Variants in ITGB1 observed in about 807,000 individuals in gnomAD.
The protein encoded by ITGB1 is integrin subunit beta 1, also known as integrin beta-1.
ITGB1 carries 24 observed loss-of-function variants against 86.5 expected under a neutral mutation model. The observed-to-expected ratio is 0.28, with a 90% CI of 0.20 to 0.39. The LOEUF (loss-of-function observed/expected upper bound fraction) is 0.39, where lower values mean the gene tolerates loss of function less well. Among genes scored for constraint, ITGB1 ranks in the 10% least tolerant of loss-of-function variants. ITGB1 has a pLI of 1.00. For synonymous variants in ITGB1, 323 were observed against 316.8 expected (o/e 1.02, Z -0.21); for missense variants, 556 against 946.9 (o/e 0.59, Z 5.42).
At chr10:32,916,411 C>A (rs879744027) in intron 11 of ITGB1, among the ~76,000 whole-genome samples, 103 of 152,312 alleles carry the variant, frequency 6.8e-4, no homozygotes, top group Non-Finnish European at 1.2e-3. Context: ...TCCCTGTTTG[C>A]AGATGACATG....
chr10:32,922,163 G>A (rs1050006213), intron 9 of ITGB1, 94 bp downstream of exon 9: 24 of 735,432 alleles, frequency 3.3e-5, no homozygotes, highest in African/African-American at 9.3e-5. Flanking sequence ...CTTTGGGCTC[G>A]CTAAAGTGTG....
intron 11 of ITGB1, among the ~76,000 whole-genome samples, chr10:32,914,578 A>G (rs963942160): frequency 1.3e-5 from 2 of 152,352 alleles, no homozygotes; most frequent in East Asian, 1.9e-4. Flanking sequence ...ACGCCATTAC[A>G]TAATGGTAAA....
chr10:32,926,061 G>A lies in ITGB1; in HGVS notation c.596C>T (p.Thr199Ile), dbSNP rs1407408487. Residue 199 changes from threonine (T) to isoleucine (I), a missense_variant, in exon 6 of 16, where the codon ACA (threonine) becomes ATA (isoleucine). Thr to Ile is a moderately conservative substitution (Grantham distance 89). Coordinates refer to ENST00000302278, the MANE Select transcript of ITGB1 (RefSeq NM_002211.4). Reference sequence around the variant, plus strand: ...GCAAGGGTTCCTGAGCTTAGCTGGTGTTGTGCTAATGTAAGGCATCACAGT... The same window carrying A: ...GCAAGGGTTCCTGAGCTTAGCTGGTATTGTGCTAATGTAAGGCATCACAGT... ...EKTVMPYIST[T>I]PAKLRNPCTS... is the part of the protein sequence containing the mutation. 7 of 1,614,118 alleles carry A rather than the reference G, an allele frequency of 4.3e-6. No homozygotes were observed. In the South Asian group the frequency reaches 5.5e-5, roughly 13 times the overall value.
chr10:32,926,103 C>A lies in ITGB1; in HGVS notation c.554G>T (p.Gly185Val). Residue 185 changes from glycine to valine, a missense_variant, in exon 6 of 16, where the codon GGC becomes GTC. This residue lies in a region of ITGB1 where 183 missense variants were observed against 263.9 expected (regional missense o/e 0.69). Transcript: ENST00000302278. ...CATCACAGTCTTTTCCACAAATGAG[C>A]CAAATCCTGCCAAGAAAAAAATGGT... ...RITSDFRIGF[G>V]SFVEKTVMPY... is the part of the protein sequence containing the mutation. The A allele has an allele frequency of 6.2e-7, 1 of 1,608,176 alleles. No homozygotes were observed. Among genetic ancestry groups the A allele is most frequent in the Non-Finnish European group, 8.5e-7 (1 of 1,174,986 alleles).
intron 11 of ITGB1, among the ~76,000 whole-genome samples, chr10:32,914,025 G>T (rs1158174804): frequency 6.6e-6 from 1 of 152,200 alleles, no homozygotes; most frequent in Non-Finnish European, 1.5e-5. Context: ...CATTCTTAAA[G>T]AAAAGAATTT....
intron 11 of ITGB1, among the ~76,000 whole-genome samples, chr10:32,916,492 T>A (rs1231733954): frequency 6.6e-6 from 1 of 152,162 alleles, no homozygotes; most frequent in Non-Finnish European, 1.5e-5. Flanking sequence ...TTCAGCAAAG[T>A]CTCAGGATAC....
rs2094987607 is a variant in ITGB1 at position 32,932,682 on chromosome 10, T to C, written c.68-82A>G. On this transcript the variant is annotated intron_variant, in intron 2 of 15. Coordinates refer to ENST00000302278, the MANE Select transcript of ITGB1 (RefSeq NM_002211.4). ...TGAAAAATCAGAATCACAATGACAA[T>C]GCAATACATATGTTAAATATTAATA... 23 of 797,800 alleles carry C rather than the reference T, an allele frequency of 2.9e-5. No homozygotes were observed. The South Asian group carries it at 3.2e-4, about 11-fold the overall frequency. 49.4% of individuals were successfully genotyped at this position (797,800 alleles called of 1,614,324 possible). A position where few individuals can be genotyped will look rare whatever the true frequency, so the allele number is the denominator to read the frequency against.
Position 32,926,459 on chromosome 10 carries a change from A to G in ITGB1, c.548-350T>C, listed in dbSNP as rs75833984. Among the ~76,000 whole-genome samples the G allele has an allele frequency of 3.2e-4, 49 of 152,294 alleles. No homozygotes were observed. In the East Asian group the frequency reaches 8.9e-3, roughly 28 times the overall value. ...GTATTTCGATCATGGGGGCAGATCA[A>G]TCCCTCATGGCTTGGTGCTATTCTG... On this transcript the variant is annotated intron_variant, in intron 5 of 15. Coordinates refer to ENST00000302278, the MANE Select transcript of ITGB1 (RefSeq NM_002211.4).
intron 9 of ITGB1, 78 bp from the exon 10 acceptor site, chr10:32,920,463 C>T (rs920671568): frequency 7.8e-7 from 1 of 1,287,190 alleles, no homozygotes; most frequent in African/African-American, 1.5e-5. Flanking sequence ...GGATAAACTG[C>T]TCAGAAAAAA....
At chr10:32,946,749 T>TGGGTG (rs1555222114) in intron 1 of ITGB1, among the ~76,000 whole-genome samples, 3 of 25,112 alleles carry the variant, frequency 1.2e-4, no homozygotes, top group South Asian at 2.6e-3. Flanking sequence ...TATGTATTTC[T>TGGGTG]GGGGGGGGGG....
chr10:32,910,414 T>G lies in ITGB1; in HGVS notation c.1973A>C (p.Lys658Thr). The stretch of plus-strand genomic sequence containing the variant: ...GGAACATTCCTGTGTGCATGTGTCT[T>G]TCTTTTCTCCTTTATTGAAGGCTCT... Reference protein sequence around the residue: ...QCRAFNKGEKKDTCTQECSYF... With the variant: ...QCRAFNKGEKTDTCTQECSYF... Residue 658 changes from lysine (K) to threonine (T), a missense_variant, in exon 14 of 16, where the codon AAA (lysine) becomes ACA (threonine). This residue lies in a region of ITGB1 where 330 missense variants were observed against 531.5 expected (regional missense o/e 0.62). Transcript: ENST00000302278. The G allele has an allele frequency of 6.2e-7, 1 of 1,601,036 alleles. No individual in the cohort carries two copies.
rs1273133185 is a variant in ITGB1, at chr10:32,919,431, TTA to T, written c.1469+452_1469+453del. Among the ~76,000 whole-genome samples the T allele has an allele frequency of 1.1e-4, 17 of 152,350 alleles. No individual in the cohort carries two copies. In the East Asian group the frequency reaches 2.9e-3, roughly 26 times the overall value. ...ACAACACATATTTATTTTTTAAAAA[TTA>T]TTCCAACAATGCAGAAGTACATGTA... On this transcript the variant is annotated intron_variant, in intron 11 of 15. Transcript: ENST00000302278.
chr10:32,932,432 A>T, intron 3 of ITGB1, 83 bp downstream of exon 3: 2 of 784,172 alleles, frequency 2.6e-6, no homozygotes, highest in Non-Finnish European at 4.5e-6. Context: ...ATAAAAATTA[A>T]TATGTGCTTC....
chr10:32,927,982 C>T, intron 5 of ITGB1, 112 bp downstream of exon 5: 1 of 627,724 alleles, frequency 1.6e-6, no homozygotes, highest in East Asian at 2.8e-5. Flanking sequence ...AAAAAACTGG[C>T]TTGTTTATCT....
At chr10:32,920,140 A>G (rs2094944600) in intron 10 of ITGB1, 56 bp from the exon 11 acceptor site, 4 of 1,568,246 alleles carry the variant, frequency 2.6e-6, no homozygotes, top group Non-Finnish European at 3.5e-6. Flanking sequence ...CTACTAAAAA[A>G]TATTTCAAAA....
At chr10:32,929,249 C>T (rs1036510542) in intron 4 of ITGB1, among the ~76,000 whole-genome samples, 4 of 151,082 alleles carry the variant, frequency 2.6e-5, no homozygotes, top group African/African-American at 7.3e-5. Flanking sequence ...GGGCTGAAGG[C>T]GATGGTGGAG....
intron 1 of ITGB1, among the ~76,000 whole-genome samples, chr10:32,953,990 T>C (rs1052585502): frequency 2.0e-5 from 3 of 152,088 alleles, no homozygotes; most frequent in Non-Finnish European, 4.4e-5. Flanking sequence ...TTCCTCTTCC[T>C]CCACCCCCCC....
In ITGB1 at chr10:32,929,931, T is replaced by A. The variant is rs770663282; in HGVS notation, c.267A>T (p.Ile89=). ...GGTTGGTTACATTTTTATTTTTCTT[T>A]ATATCTTTGGAGCCTCTGGGATTTT... ...DIENPRGSKD[I]KKNKNVTNRS... Residue 89 remains isoleucine (I), a synonymous_variant, in exon 4 of 16, where the codon ATA becomes ATT. Coordinates refer to ENST00000302278, the MANE Select transcript of ITGB1 (RefSeq NM_002211.4). 1 of 1,590,354 alleles carries A rather than the reference T, an allele frequency of 6.3e-7. No homozygotes were observed. Among genetic ancestry groups the A allele is most frequent in the Admixed American group, 1.7e-5 (1 of 59,994 alleles).
chr10:32,925,370 A>G (rs1191432097), intron 6 of ITGB1, among the ~76,000 whole-genome samples: 1 of 152,186 alleles, frequency 6.6e-6, no homozygotes, highest in Non-Finnish European at 1.5e-5. Flanking sequence ...AGAGCTTAAA[A>G]AGTTCTCTCT....
Sources: allele counts gnomAD v4.1 joint callset (sites outside exome capture counted in the v4.1 genomes callset), GRCh38; gene constraint gnomAD v4.1.1; regional missense constraint gnomAD v4.1.1; transcripts MANE v1.5; gene names NCBI Gene and HGNC (gene_info 2026-07-23, HGNC 2026-07-21).